The following PARVB variants were observed in gnomAD, a reference collection of about 807,000 sequenced individuals.
PARVB encodes the protein beta-parvin.
In PARVB, 46 loss-of-function variants were observed where a neutral mutation model predicts 47.0. The ratio of observed to expected loss-of-function variants is 0.98; its 90% CI spans 0.77 to 1.25. The LOEUF (loss-of-function observed/expected upper bound fraction) is 1.25, where lower values mean the gene tolerates loss of function less well. PARVB is among the 50% of genes most tolerant of loss of function. PARVB has a pLI of 0.00. For missense variants in PARVB, 473 were observed against 471.6 expected, an observed-to-expected ratio of 1.00 and a Z score of -0.03; for synonymous variants, 196 against 196.3, an observed-to-expected ratio of 1.00 and a Z score of 0.01.
Position 44,136,322 on chromosome 22 carries a change from G to A in PARVB, c.634-138G>A, listed in dbSNP as rs111249112. On this transcript the variant is annotated intron_variant, in intron 6 of 12. Coordinates refer to ENST00000338758, the MANE Select transcript of PARVB (RefSeq NM_013327.5). ...GTGTACTCACCCAGGCCTGGCATGC[G>A]TGTTCAACACCACCCCTCCTTCTCC... The A allele has an allele frequency of 8.1e-3, 6,199 of 766,584 alleles. 176 individuals carry two copies. Among genetic ancestry groups the A allele is most frequent in the African/African-American group, 0.074 (4,296 of 58,448 alleles). 47.5% of individuals were successfully genotyped at this position (766,584 alleles called of 1,614,324 possible).
chr22:44,023,493 A>G (rs997829803), upstream of PARVB, among the ~76,000 whole-genome samples: 3 of 151,946 alleles, frequency 2.0e-5, no homozygotes, highest in African/African-American at 7.3e-5. Context: ...CCTGGGCAAC[A>G]AAGCAAGACT....
rs2147183596 is a variant in PARVB at position 44,163,424 on chromosome 22, G to A, written c.946-434G>A. Among the ~76,000 whole-genome samples the A allele has an allele frequency of 1.3e-5, 2 of 152,350 alleles. 1 individual carries two copies. The highest frequency in any genetic ancestry group is 4.1e-4 in the South Asian group (2 of 4,830). The stretch of plus-strand genomic sequence containing the variant: ...GCCTGGGAGGTGGAGGTTGCAGTGA[G>A]CTGAGATCTCGCCACTGTGCACTAG... On this transcript the variant is annotated intron_variant, in intron 11 of 12. Coordinates refer to ENST00000338758, the MANE Select transcript of PARVB (RefSeq NM_013327.5).
At chr22:44,011,984 G>A (rs1030346549) in intron 2 of PARVB, among the ~76,000 whole-genome samples, 9 of 152,208 alleles carry the variant, frequency 5.9e-5, no homozygotes, top group Admixed American at 5.2e-4. Context: ...ACTAAGGTGT[G>A]AATGTCTAAT....
intron 8 of PARVB, chr22:44,143,378 T>C (rs1342861107): frequency 6.6e-6 from 1 of 152,270 alleles, no homozygotes. Flanking sequence ...ACATGGCTCC[T>C]TGACCCAGAG....
upstream of PARVB, among the ~76,000 whole-genome samples, chr22:44,024,047 C>T (rs1914042781): frequency 6.6e-6 from 1 of 152,190 alleles, no homozygotes; most frequent in Non-Finnish European, 1.5e-5. Context: ...GATCCGGCAC[C>T]ACTAGCGGAG....
At chr22:44,004,702 G>A (rs567922399) in intron 2 of PARVB, among the ~76,000 whole-genome samples, 5 of 152,254 alleles carry the variant, frequency 3.3e-5, no homozygotes, top group East Asian at 1.9e-4. Context: ...CCCTTTGTTC[G>A]GGGCTCAAAC....
At chr22:44,161,146 T>C (rs913533353) in intron 11 of PARVB, among the ~76,000 whole-genome samples, 10 of 152,072 alleles carry the variant, frequency 6.6e-5, no homozygotes, top group African/African-American at 2.2e-4. Flanking sequence ...TGCATGTGCA[T>C]ACGTGTGTGT....
intron 10 of PARVB, chr22:44,153,772 C>T (rs910413698): frequency 5.9e-5 from 9 of 151,942 alleles, no homozygotes; most frequent in East Asian, 1.9e-4. Flanking sequence ...TTCCCTTGCT[C>T]GATCTATCGG....
intron 1 of PARVB, among the ~76,000 whole-genome samples, chr22:44,061,171 G>A (rs1318368520): frequency 6.6e-6 from 1 of 152,142 alleles, no homozygotes; most frequent in East Asian, 1.9e-4. Flanking sequence ...ACTCATGCCT[G>A]TAATCCCAGC....
chr22:44,029,696 G>A (rs927679011), intron 1 of PARVB, among the ~76,000 whole-genome samples: 6 of 152,212 alleles, frequency 3.9e-5, no homozygotes, highest in Admixed American at 6.5e-5. Context: ...GATCACCTGA[G>A]GTCAGGAGTT....
At chr22:44,059,831 T>G (rs2146956347) in intron 1 of PARVB, among the ~76,000 whole-genome samples, 1 of 152,328 alleles carries the variant, frequency 6.6e-6, no homozygotes, top group East Asian at 1.9e-4. Flanking sequence ...TCATTTGGTT[T>G]TAAACAGCAC....
At chr22:44,059,126 A>G (rs143908451) in intron 1 of PARVB, among the ~76,000 whole-genome samples, 52 of 142,672 alleles carry the variant, frequency 3.6e-4, no homozygotes, top group African/African-American at 1.3e-3. Flanking sequence ...GGTCACTACA[A>G]CCTCTGCTTC....
At position 44,081,571 on chromosome 22, in the gene PARVB, C is replaced by T. The variant is rs35668493; in HGVS notation, c.113-12357C>T. ...GTTTCACAACTTGGGAACCAGCGAA[C>T]GTGCTTCTCCAGACTTAGCTTCTGC... On this transcript the variant is annotated intron_variant, in intron 1 of 12. Transcript: ENST00000338758. The T allele has an allele frequency of 4.5e-4, 445 of 984,810 alleles. 7 individuals are homozygous for T. In the East Asian group the frequency reaches 0.038, roughly 85 times the overall value. The allele number at this position is 984,810 out of a possible 1,614,324, so 61.0% of individuals were successfully genotyped here. A position where few individuals can be genotyped will look rare whatever the true frequency, so the allele number is the denominator to read the frequency against.
chr22:44,123,943 G>T (rs555915072), intron 4 of PARVB, among the ~76,000 whole-genome samples: 2 of 152,368 alleles, frequency 1.3e-5, no homozygotes, highest in South Asian at 2.1e-4. Flanking sequence ...TCAATAAGCA[G>T]GAGTTGTTAT....
chr22:44,071,099 T>G (rs973956123), intron 1 of PARVB, among the ~76,000 whole-genome samples: 2 of 152,138 alleles, frequency 1.3e-5, no homozygotes, highest in Admixed American at 6.5e-5. Flanking sequence ...GGGGCCAGTG[T>G]GGGGTGTGGG....
At chr22:44,047,856 A>G (rs1341282889) in intron 1 of PARVB, among the ~76,000 whole-genome samples, 1 of 152,112 alleles carries the variant, frequency 6.6e-6, no homozygotes, top group Non-Finnish European at 1.5e-5. Context: ...GTGTATGTGT[A>G]TTGGTGGACA....
chr22:44,086,274 A>G (rs1017752362), intron 1 of PARVB, among the ~76,000 whole-genome samples: 1 of 152,216 alleles, frequency 6.6e-6, no homozygotes, highest in Non-Finnish European at 1.5e-5. Flanking sequence ...TTGAAACGTC[A>G]AGAAGCGCTT....
intron 4 of PARVB, among the ~76,000 whole-genome samples, chr22:44,123,953 T>A (rs1348158709): frequency 1.3e-5 from 2 of 152,244 alleles, no homozygotes; most frequent in African/African-American, 4.8e-5. Context: ...GGAGTTGTTA[T>A]TGCTGTTGTT....
intron 1 of PARVB, among the ~76,000 whole-genome samples, chr22:44,055,503 T>C (rs1023414135): frequency 6.6e-6 from 1 of 151,856 alleles, no homozygotes; most frequent in African/African-American, 2.4e-5. Context: ...CCCGGCTAAT[T>C]TTTGTATTTT....
Sources: gnomAD v4.1 joint callset for allele counts (sites outside exome capture counted in the v4.1 genomes callset) on GRCh38, gnomAD v4.1.1 for gene constraint, MANE v1.5 for transcripts, NCBI Gene and HGNC (gene_info 2026-07-23, HGNC 2026-07-21) for gene names.